Variants in STAP1 observed in about 807,000 individuals in gnomAD.
STAP1 encodes signal-transducing adaptor protein 1.
In STAP1, 30 loss-of-function variants were observed where a neutral mutation model predicts 37.8. The ratio of observed to expected loss-of-function variants is 0.79; its 90% confidence interval spans 0.59 to 1.08. The LOEUF (loss-of-function observed/expected upper bound fraction) is 1.08. Among genes scored for constraint, STAP1 ranks in the 50% least tolerant of loss-of-function variants. The pLI is 0.00. For synonymous variants in STAP1, 130 were observed against 116.0 expected, an observed-to-expected ratio of 1.12 and a Z score of -0.78; for missense variants, 357 against 349.4, an observed-to-expected ratio of 1.02 and a Z score of -0.17.
chr4:67,585,007 T>C (rs1428705227), intron 6 of STAP1, among the ~76,000 whole-genome samples: 1 of 152,222 alleles, frequency 6.6e-6, no homozygotes, highest in Non-Finnish European at 1.5e-5. Flanking sequence ...TTTTTCTGTG[T>C]AGTTGGGGTA....
chr4:67,580,701 G>A (rs1727832770), intron 4 of STAP1, among the ~76,000 whole-genome samples: 1 of 152,176 alleles, frequency 6.6e-6, no homozygotes, highest in Non-Finnish European at 1.5e-5. Context: ...GACATATATA[G>A]GTGAGTCAAT....
chr4:67,600,840 CTTTAGT>C (rs1232160102), intron 8 of STAP1, among the ~76,000 whole-genome samples: 4 of 152,068 alleles, frequency 2.6e-5, no homozygotes, highest in African/African-American at 9.7e-5. Context: ...GTTTCCATCT[CTTTAGT>C]TTTAGTCTAT....
At chr4:67,570,954 T>C in intron 1 of STAP1, 130 bp from the exon 2 acceptor site, 1 of 770,138 alleles carries the variant, frequency 1.3e-6, no homozygotes, top group Non-Finnish European at 2.2e-6. Flanking sequence ...CTATAAAAAT[T>C]AGAATTATCC....
chr4:67,592,052 G>A (rs575833954), intron 7 of STAP1, among the ~76,000 whole-genome samples: 3 of 152,042 alleles, frequency 2.0e-5, no homozygotes, highest in Admixed American at 6.5e-5. Flanking sequence ...AAAACTAACA[G>A]CCTGGATTAT....
intron 8 of STAP1, among the ~76,000 whole-genome samples, chr4:67,599,162 G>A (rs111881101): frequency 6.6e-5 from 10 of 152,100 alleles, no homozygotes; most frequent in African/African-American, 2.4e-4. Context: ...CAGAGATATT[G>A]GCTTGTAGTT....
intron 5 of STAP1, among the ~76,000 whole-genome samples, chr4:67,582,312 G>GTTTT (rs55915212): frequency 6.8e-6 from 1 of 147,454 alleles, no homozygotes. Flanking sequence ...TTTTTTTTTT[G>GTTTT]TTTTTTTTGT....
intron 1 of STAP1, among the ~76,000 whole-genome samples, chr4:67,560,189 T>A (rs915771903): frequency 3.3e-5 from 5 of 151,514 alleles, no homozygotes; most frequent in Non-Finnish European, 7.4e-5. Flanking sequence ...AGAAGACATG[T>A]CATTGGTATG....
At chr4:67,563,563 G>T (rs946530124) in intron 1 of STAP1, among the ~76,000 whole-genome samples, 7 of 152,096 alleles carry the variant, frequency 4.6e-5, no homozygotes, top group African/African-American at 1.7e-4. Context: ...AATTAGCCAG[G>T]CGTGGTGGCA....
At chr4:67,568,652 CAAT>C (rs1727527271) in intron 1 of STAP1, among the ~76,000 whole-genome samples, 1 of 152,104 alleles carries the variant, frequency 6.6e-6, no homozygotes, top group African/African-American at 2.4e-5. Context: ...TTCACCACAT[CAAT>C]AAGATTTGGA....
At chr4:67,568,310 C>T (rs534462699) in intron 1 of STAP1, among the ~76,000 whole-genome samples, 162 of 152,226 alleles carry the variant, frequency 1.1e-3, no homozygotes, top group African/African-American at 3.5e-3. Context: ...TTATATTAAT[C>T]GCCAATATCA....
At chr4:67,598,916 G>T (rs1054378365) in intron 8 of STAP1, among the ~76,000 whole-genome samples, 5 of 152,108 alleles carry the variant, frequency 3.3e-5, no homozygotes, top group Admixed American at 1.3e-4. Context: ...CATAGTTTCA[G>T]GTAATGAAGC....
chr4:67,563,331 C>A (rs2046601), intron 1 of STAP1, among the ~76,000 whole-genome samples: 125,733 of 152,184 alleles, frequency 0.83, 52,821 homozygotes, highest in Non-Finnish European at 0.9. Context: ...TATAATGGAT[C>A]CCATTCTAGG....
At chr4:67,583,990 C>T (rs1420608568) in intron 6 of STAP1, among the ~76,000 whole-genome samples, 1 of 149,690 alleles carries the variant, frequency 6.7e-6, no homozygotes, top group East Asian at 2.0e-4. Flanking sequence ...CCCAGCTACT[C>T]GGGAGGCTGA....
chr4:67,569,613 A>T (rs999823698), intron 1 of STAP1, among the ~76,000 whole-genome samples: 10 of 148,458 alleles, frequency 6.7e-5, no homozygotes, highest in Admixed American at 2.7e-4. Context: ...TCTTTATTTT[A>T]TTTTTTTTTA....
intron 8 of STAP1, among the ~76,000 whole-genome samples, chr4:67,601,778 CTT>C (rs1728347680): frequency 6.6e-6 from 1 of 152,102 alleles, no homozygotes. Context: ...AGGATAATTT[CTT>C]TATCCCATCC....
chr4:67,560,881 T>C (rs1419527397), intron 1 of STAP1, among the ~76,000 whole-genome samples: 2 of 152,110 alleles, frequency 1.3e-5, no homozygotes, highest in African/African-American at 2.4e-5. Flanking sequence ...ACTCCTGGGC[T>C]CAAGCAACCT....
chr4:67,581,772 A>T (rs1727866589), intron 5 of STAP1, among the ~76,000 whole-genome samples: 1 of 152,168 alleles, frequency 6.6e-6, no homozygotes, highest in Non-Finnish European at 1.5e-5. Context: ...GCAGGAAAAG[A>T]TATTTTTTCA....
At chr4:67,602,938 A>C (rs1326382582) in intron 8 of STAP1, among the ~76,000 whole-genome samples, 1 of 152,140 alleles carries the variant, frequency 6.6e-6, no homozygotes, top group Non-Finnish European at 1.5e-5. Context: ...CAAATGGCTA[A>C]TCCAGCCAAG....
At chr4:67,593,086 C>T (rs554178534) in intron 7 of STAP1, among the ~76,000 whole-genome samples, 174 bp from the exon 8 acceptor site, 1 of 152,286 alleles carries the variant, frequency 6.6e-6, no homozygotes, top group South Asian at 2.1e-4. Flanking sequence ...AGAATGGACA[C>T]ATGGTCAATT....
Sources: gnomAD v4.1 joint callset for allele counts (sites outside exome capture counted in the v4.1 genomes callset) on GRCh38, gnomAD v4.1.1 for gene constraint, MANE v1.5 for transcripts, NCBI Gene and HGNC (gene_info 2026-07-23, HGNC 2026-07-21) for gene names.